The following CNTN5 variants were observed in gnomAD, a reference collection of about 807,000 sequenced individuals.
CNTN5 encodes contactin 5, also known as contactin-5.
Under a neutral mutation model 129.1 loss-of-function variants are expected in CNTN5, and 77 were observed. That is an observed-to-expected ratio of 0.60 (90% CI 0.50 to 0.72). The LOEUF is 0.72. Ranked by LOEUF, CNTN5 falls within the 30% of genes least tolerant of loss-of-function variation. The pLI, the probability that CNTN5 is intolerant of heterozygous loss-of-function variation, is 0.00. For missense variants in CNTN5, 1,478 were observed against 1,328.8 expected (o/e 1.11, Z -1.75); for synonymous variants, 509 against 465.6 (o/e 1.09, Z -1.20).
intron 2 of CNTN5, among the ~76,000 whole-genome samples, chr11:99,463,616 G>T (rs578258401): frequency 1.6e-4 from 25 of 152,170 alleles, no homozygotes; most frequent in African/African-American, 5.8e-4. Context: ...TGAGCATAGA[G>T]AATCTGAGAC....
chr11:99,581,619 T>A (rs1332123619), intron 3 of CNTN5, among the ~76,000 whole-genome samples: 1 of 152,288 alleles, frequency 6.6e-6, no homozygotes, highest in East Asian at 1.9e-4. Context: ...TCTTTGTTGG[T>A]TTAAAGTCCG....
At chr11:99,652,445 A>T (rs1377477492) in intron 3 of CNTN5, among the ~76,000 whole-genome samples, 1 of 152,094 alleles carries the variant, frequency 6.6e-6, no homozygotes, top group African/African-American at 2.4e-5. Flanking sequence ...TATGATTCAG[A>T]GGTTCTCCCA....
intron 2 of CNTN5, among the ~76,000 whole-genome samples, chr11:99,471,144 G>A (rs763892463): frequency 6.9e-5 from 6 of 87,416 alleles, no homozygotes; most frequent in Non-Finnish European, 1.4e-4. Context: ...TTAAAGTAAT[G>A]TTGCTAAAAA....
intron 1 of CNTN5, among the ~76,000 whole-genome samples, chr11:99,287,077 T>C (rs2135907799): frequency 6.6e-6 from 1 of 152,260 alleles, no homozygotes; most frequent in Non-Finnish European, 1.5e-5. Flanking sequence ...TGCCTTTCAA[T>C]ATTTAAAAGG....
At position 100,264,591 on chromosome 11, in the gene CNTN5, C is replaced by T. The variant is rs183614671; in HGVS notation, c.2165-6501C>T. 7.9e-5 allele frequency among the ~76,000 whole-genome samples: 12 copies of T among 152,192 alleles called. No individual in the cohort carries two copies. In the East Asian group the frequency reaches 1.7e-3, roughly 22 times the overall value. The stretch of plus-strand genomic sequence containing the variant: ...CTTTTTTCATGACTACATAATACTC[C>T]GTGGTGTATATGTGCCACATTTCCT... On this transcript the variant is annotated intron_variant, in intron 17 of 24. Coordinates refer to ENST00000524871, the MANE Select transcript of CNTN5 (RefSeq NM_014361.4).
At chr11:100,086,653 A>G (rs1201058702) in intron 13 of CNTN5, among the ~76,000 whole-genome samples, 1 of 151,554 alleles carries the variant, frequency 6.6e-6, no homozygotes, top group Non-Finnish European at 1.5e-5. Context: ...AACTAGAAAT[A>G]AAAATTCAGC....
At chr11:100,078,737 G>C (rs977765880) in intron 13 of CNTN5, among the ~76,000 whole-genome samples, 3 of 152,026 alleles carry the variant, frequency 2.0e-5, no homozygotes, top group Admixed American at 6.6e-5. Flanking sequence ...ATATTGCCTA[G>C]TGTATGACAT....
At chr11:100,173,590 C>A (rs1206028948) in intron 13 of CNTN5, among the ~76,000 whole-genome samples, 1 of 152,090 alleles carries the variant, frequency 6.6e-6, no homozygotes. Context: ...GGTAGGCCAG[C>A]ATGAACTTTC....
intron 6 of CNTN5, among the ~76,000 whole-genome samples, chr11:99,915,806 T>C (rs1949774115): frequency 6.6e-6 from 1 of 152,188 alleles, no homozygotes; most frequent in Non-Finnish European, 1.5e-5. Context: ...CTAGCATCTA[T>C]ACTGGCAACT....
rs376459932 is a variant in CNTN5 at position 99,410,517 on chromosome 11, A to AT, written c.-71+85041dup. On this transcript the variant is annotated intron_variant, in intron 2 of 24. Transcript: ENST00000524871. Reference sequence around the variant, plus strand: ...TGTGGAACAAAAGGTTTCTAAATGTATTTTTTTTGCAAGTATTTATTCTTG... The same window carrying AT: ...TGTGGAACAAAAGGTTTCTAAATGTATTTTTTTTTGCAAGTATTTATTCTTG... Among the ~76,000 whole-genome samples, 648 of 151,874 alleles carry AT rather than the reference A, an allele frequency of 4.3e-3. 4 individuals carry two copies. Among genetic ancestry groups the AT allele is most frequent in the African/African-American group, 0.014 (591 of 41,412 alleles).
intron 9 of CNTN5, among the ~76,000 whole-genome samples, chr11:100,035,232 T>A (rs1475077799): frequency 6.6e-6 from 1 of 151,772 alleles, no homozygotes; most frequent in Non-Finnish European, 1.5e-5. Context: ...TGGGTTTTTG[T>A]CCTTGTGATA....
intron 6 of CNTN5, among the ~76,000 whole-genome samples, chr11:99,883,481 C>T (rs1948823400): frequency 6.6e-6 from 1 of 152,156 alleles, no homozygotes; most frequent in African/African-American, 2.4e-5. Context: ...TGTTGAGCAC[C>T]TATTCATACG....
chr11:100,257,466 C>T (rs1390746538), intron 17 of CNTN5, among the ~76,000 whole-genome samples: 1 of 152,178 alleles, frequency 6.6e-6, no homozygotes, highest in African/African-American at 2.4e-5. Context: ...TCAAGTGGGT[C>T]CCTGACCCCC....
intron 3 of CNTN5, among the ~76,000 whole-genome samples, chr11:99,751,343 A>C (rs1318961317): frequency 6.6e-6 from 1 of 152,184 alleles, no homozygotes; most frequent in Non-Finnish European, 1.5e-5. Flanking sequence ...ATCTCAAAAA[A>C]TAAATTAATT....
chr11:99,797,380 G>C lies in CNTN5; in HGVS notation c.56-22164G>C, dbSNP rs148586372. ...TTACATACCTGCCAATAGTGTATAA[G>C]TGTTCCCTTTACACTGCAGCCTTGC... On this transcript the variant is annotated intron_variant, in intron 3 of 24. Transcript: ENST00000524871. 2.0e-4 allele frequency among the ~76,000 whole-genome samples: 30 copies of C among 152,238 alleles called. No individual in the cohort carries two copies. The East Asian group carries it at 5.8e-3, about 29-fold the overall frequency.
chr11:99,700,275 C>T (rs1016540637), intron 3 of CNTN5, among the ~76,000 whole-genome samples: 1 of 151,354 alleles, frequency 6.6e-6, no homozygotes, highest in Non-Finnish European at 1.5e-5. Flanking sequence ...GTAGAGTACT[C>T]GGTCATTTCC....
intron 1 of CNTN5, among the ~76,000 whole-genome samples, chr11:99,183,869 A>C (rs1326532701): frequency 6.6e-6 from 1 of 152,086 alleles, no homozygotes; most frequent in East Asian, 1.9e-4. Context: ...TTAACCTTAA[A>C]ATTTGTTTCT....
chr11:100,129,829 G>T (rs559481503), intron 13 of CNTN5, among the ~76,000 whole-genome samples: 1 of 149,182 alleles, frequency 6.7e-6, no homozygotes, highest in Non-Finnish European at 1.5e-5. Flanking sequence ...ATATATATTT[G>T]TGTGTGTGTT....
chr11:99,818,045 ATTAAAC>A (rs1363075257), intron 3 of CNTN5, among the ~76,000 whole-genome samples: 1 of 152,220 alleles, frequency 6.6e-6, no homozygotes, highest in South Asian at 2.1e-4. Context: ...AACAGAAAAT[ATTAAAC>A]TTAATTTGAT....
Sources: gnomAD v4.1 joint callset for allele counts (sites outside exome capture counted in the v4.1 genomes callset) on GRCh38, gnomAD v4.1.1 for gene constraint, MANE v1.5 for transcripts, NCBI Gene and HGNC (gene_info 2026-07-23, HGNC 2026-07-21) for gene names.